The following BRD4 variants were observed in gnomAD, a reference collection of about 807,000 sequenced individuals.
The protein encoded by BRD4 is bromodomain containing 4, also known as bromodomain-containing protein 4.
Under a neutral mutation model 142.1 loss-of-function variants are expected in BRD4, and 16 were observed. The ratio of observed to expected loss-of-function variants is 0.11; its 90% CI spans 0.08 to 0.17. BRD4 has a LOEUF of 0.17. BRD4 is among the 10% of genes least tolerant of loss of function. The probability of loss-of-function intolerance (pLI) is 1.00; values close to 1 mark genes in which losing one functional copy is unlikely to be tolerated. For missense variants in BRD4, 1,424 were observed against 1,810.9 expected (o/e 0.79, Z 3.88); for synonymous variants, 833 against 707.5 (o/e 1.18, Z -2.82).
At chr19:15,280,066 C>T (rs773679939) in intron 1 of BRD4, among the ~76,000 whole-genome samples, 2 of 152,240 alleles carry the variant, frequency 1.3e-5, no homozygotes, top group Non-Finnish European at 2.9e-5. Flanking sequence ...ACTTCTTGAG[C>T]TGATGCTGTT....
chr19:15,306,982 T>C (rs558156971), intron 1 of BRD4, among the ~76,000 whole-genome samples: 4 of 152,130 alleles, frequency 2.6e-5, no homozygotes, highest in Non-Finnish European at 5.9e-5. Flanking sequence ...ATTCTCAATT[T>C]GTAAATAAAA....
chr19:15,261,632 A>G (rs1209670087), intron 7 of BRD4, among the ~76,000 whole-genome samples: 1 of 152,240 alleles, frequency 6.6e-6, no homozygotes, highest in East Asian at 1.9e-4. Flanking sequence ...CAATTCCCCA[A>G]GTCACAGAAA....
chr19:15,326,147 T>C (rs1316534720), intron 1 of BRD4, among the ~76,000 whole-genome samples: 2 of 132,404 alleles, frequency 1.5e-5, no homozygotes, highest in African/African-American at 3.0e-5. Flanking sequence ...GTTCACAATG[T>C]AGCATTAAAA....
chr19:15,264,087 C>G, intron 6 of BRD4: 1 of 323,596 alleles, frequency 3.1e-6, no homozygotes, highest in Non-Finnish European at 5.7e-6. Flanking sequence ...GCCCCAACTC[C>G]CATGGAGCAT....
chr19:15,325,358 A>C (rs1193394502), intron 1 of BRD4, among the ~76,000 whole-genome samples: 1 of 152,166 alleles, frequency 6.6e-6, no homozygotes, highest in African/African-American at 2.4e-5. Context: ...AGGCTGCCCA[A>C]GCCCTCCAAG....
intron 13 of BRD4, 92 bp from the exon 14 acceptor site, chr19:15,243,579 G>A: frequency 7.0e-7 from 1 of 1,424,168 alleles, no homozygotes; most frequent in Non-Finnish European, 9.2e-7. Context: ...CTGGACTCCA[G>A]TGCTCTCCTA....
At chr19:15,251,539 G>C (rs1056594956) in intron 11 of BRD4, among the ~76,000 whole-genome samples, 11 of 147,488 alleles carry the variant, frequency 7.5e-5, no homozygotes, top group African/African-American at 2.5e-4. Flanking sequence ...CTCCCGTTAA[G>C]GCAGAGCTGC....
chr19:15,245,466 G>A (rs1012269885), intron 11 of BRD4, among the ~76,000 whole-genome samples: 2 of 152,140 alleles, frequency 1.3e-5, no homozygotes, highest in South Asian at 2.1e-4. Context: ...CCTGCTTTGG[G>A]ACACAGTCAC....
At chr19:15,263,289 T>C in intron 7 of BRD4, 131 bp downstream of exon 7, 2 of 1,235,770 alleles carry the variant, frequency 1.6e-6, no homozygotes, top group Non-Finnish European at 2.2e-6. Flanking sequence ...TTAGGCACTT[T>C]TCTAAAGCAA....
rs765788287 is a variant in BRD4, at chr19:15,253,713, G to T, written c.2158+439C>A. 30 of 1,598,344 alleles carry T rather than the reference G, an allele frequency of 1.9e-5. No individual in the cohort carries two copies. The Admixed American group carries it at 2.0e-4, about 11-fold the overall frequency. ...GAAACCAGCGAAGCATCTCCCTGAA[G>T]CGGCCGCACTGCACGTGACTGTGAT... On this transcript the variant is annotated intron_variant, in intron 11 of 19. Transcript: ENST00000679869.
intron 1 of BRD4, among the ~76,000 whole-genome samples, chr19:15,276,618 C>A (rs2047649503): frequency 6.6e-6 from 1 of 152,134 alleles, no homozygotes; most frequent in South Asian, 2.1e-4. Context: ...TCACTTTTAT[C>A]TTCCCAGCAC....
Position 15,331,643 on chromosome 19 carries a change from G to A in BRD4, c.-35+647C>T, listed in dbSNP as rs1025689066. On this transcript the variant is annotated intron_variant, in intron 1 of 19. Coordinates refer to ENST00000679869, the MANE Select transcript of BRD4 (RefSeq NM_001379291.1). ...CAGGGGACCTGCCCCTTTCTCCGCA[G>A]CACTCCGGGGACCGCCGGGAAGGTG... Among the ~76,000 whole-genome samples, 12 of 152,214 alleles carry A rather than the reference G, an allele frequency of 7.9e-5. No individual in the cohort carries two copies. In the East Asian group the frequency reaches 1.4e-3, roughly 17 times the overall value.
intron 11 of BRD4, among the ~76,000 whole-genome samples, chr19:15,249,599 G>A (rs1468001750): frequency 1.3e-5 from 2 of 152,186 alleles, no homozygotes; most frequent in East Asian, 3.9e-4. Context: ...TGCCCTGCCT[G>A]AGCGCACGCC....
In BRD4 at chr19:15,265,590, G is replaced by A; in HGVS notation, c.613C>T (p.Pro205Ser). 2.5e-6 allele frequency: 4 copies of A among 1,614,142 alleles called. No homozygotes were observed. Among genetic ancestry groups the A allele is most frequent in the South Asian group, 1.1e-5 (1 of 91,084 alleles). The change falls in exon 5 of 20, where the codon CCT (proline) becomes TCT (serine). Residue 205 changes from proline (P) to serine (S), a missense_variant. Physicochemically the swap from Pro to Ser is moderately conservative, Grantham distance 74. This residue lies in a region of BRD4 where 140 missense variants were observed against 131.7 expected (regional missense o/e 1.06). Transcript: ENST00000679869. Reference protein sequence around the residue: ...TVPNTTQASTPPQTQTPQPNP... With the variant: ...TVPNTTQASTSPQTQTPQPNP... ...GGCTGAGGGGTCTGGGTCTGCGGAG[G>A]AGTCGATGCTTGAGTTGTGTTTGGT...
At chr19:15,323,861 G>C (rs1251280433) in intron 1 of BRD4, among the ~76,000 whole-genome samples, 1 of 152,164 alleles carries the variant, frequency 6.6e-6, no homozygotes, top group Admixed American at 6.5e-5. Context: ...AGCAAAGCCA[G>C]CACTCCTCGG....
intron 7 of BRD4, among the ~76,000 whole-genome samples, chr19:15,257,512 G>T (rs1321856863): frequency 6.6e-6 from 1 of 152,188 alleles, no homozygotes; most frequent in East Asian, 1.9e-4. Context: ...ACTGGACCAA[G>T]GGCATCCTCA....
rs201063437 is a variant in BRD4 at position 15,256,070 on chromosome 19, T to C, written c.1745A>G (p.Asn582Ser). ...KTKKNNSSNS[N>S]VSKKEPAPMK... ...AAATTCAGGGGACACAGACCTCACA[T>C]TGCTGTTGCTGCTATTATTTTTCTT... The change falls in exon 9 of 20, where the codon AAT becomes AGT. Residue 582 changes from asparagine (N) to serine (S), a missense_variant. This residue lies in a region of BRD4 where 86 missense variants were observed against 78.9 expected (regional missense o/e 1.09). Coordinates refer to ENST00000679869, the MANE Select transcript of BRD4 (RefSeq NM_001379291.1). The C allele has an allele frequency of 3.2e-5, 52 of 1,611,216 alleles. No individual in the cohort carries two copies. In the South Asian group the frequency reaches 4.2e-4, roughly 13 times the overall value.
intron 1 of BRD4, among the ~76,000 whole-genome samples, chr19:15,301,326 G>A (rs1026622340): frequency 6.6e-6 from 1 of 152,162 alleles, no homozygotes; most frequent in East Asian, 1.9e-4. Context: ...ACTTTGGGAG[G>A]CCAAGGCGGG....
At chr19:15,325,412 G>T (rs565395376) in intron 1 of BRD4, among the ~76,000 whole-genome samples, 1 of 152,206 alleles carries the variant, frequency 6.6e-6, no homozygotes, top group Admixed American at 6.5e-5. Flanking sequence ...GACTGGGCTC[G>T]TACTGCCGGG....
Sources: allele counts gnomAD v4.1 joint callset (sites outside exome capture counted in the v4.1 genomes callset), GRCh38; gene constraint gnomAD v4.1.1; regional missense constraint gnomAD v4.1.1; transcripts MANE v1.5; gene names NCBI Gene and HGNC (gene_info 2026-07-23, HGNC 2026-07-21).